The following CASP5 variants were observed in gnomAD, a reference collection of about 807,000 sequenced individuals.
CASP5 encodes the protein caspase-5.
Under a neutral mutation model 45.2 loss-of-function variants are expected in CASP5, and 42 were observed. The ratio of observed to expected loss-of-function variants is 0.93; its 90% CI spans 0.73 to 1.20. The LOEUF (loss-of-function observed/expected upper bound fraction) is 1.20. Ranked by LOEUF, CASP5 falls within the 50% of genes most tolerant of loss-of-function variation. The pLI, the probability that CASP5 is intolerant of heterozygous loss-of-function variation, is 0.00. For synonymous variants in CASP5, 209 were observed against 186.2 expected (o/e 1.12, Z -1.00); for missense variants, 512 against 532.2 (o/e 0.96, Z 0.37).
At chr11:105,004,743 G>A (rs1220679068) in intron 3 of CASP5, among the ~76,000 whole-genome samples, 1 of 152,090 alleles carries the variant, frequency 6.6e-6, no homozygotes, top group Non-Finnish European at 1.5e-5. Context: ...AATGCAATAA[G>A]TTCTAAGTGT....
chr11:105,013,922 C>T (rs1862468564), intron 1 of CASP5, among the ~76,000 whole-genome samples: 1 of 152,152 alleles, frequency 6.6e-6, no homozygotes, highest in East Asian at 1.9e-4. Flanking sequence ...ATTCACACTG[C>T]ATTGATTTTA....
chr11:105,012,287 A>G (rs943977502), intron 1 of CASP5, among the ~76,000 whole-genome samples: 2 of 152,006 alleles, frequency 1.3e-5, no homozygotes, highest in Admixed American at 6.6e-5. Context: ...TCAACTCAAA[A>G]TGGATTAAAA....
rs1296441751 is a variant in CASP5 at position 104,997,468 on chromosome 11, G to A, written c.1121C>T (p.Thr374Ile). Residue 374 changes from threonine (T) to isoleucine (I), a missense_variant, in exon 8 of 10, where the codon ACA becomes ATA. Transcript: ENST00000260315. ...TTCCGTAATGAAGATGGAGCCCCTTGTGCGGTCTCTCCAGGACACGTTATC... is the reference window on the plus strand; with the variant it reads ...TTCCGTAATGAAGATGGAGCCCCTTATGCGGTCTCTCCAGGACACGTTATC... ...TPHNVSWRDR[T>I]RGSIFITELI... 2 of 1,612,480 alleles carry A rather than the reference G, an allele frequency of 1.2e-6. No homozygotes were observed. Among genetic ancestry groups the A allele is most frequent in the East Asian group, 2.2e-5 (1 of 44,850 alleles).
intron 6 of CASP5, 55 bp from the exon 7 acceptor site, chr11:104,999,083 A>T: frequency 2.0e-6 from 3 of 1,482,208 alleles, no homozygotes; most frequent in Non-Finnish European, 2.8e-6. Flanking sequence ...TCCAGAATAG[A>T]AATGCAGAAC....
intron 2 of CASP5, among the ~76,000 whole-genome samples, chr11:105,007,765 C>T (rs1050608737): frequency 6.6e-6 from 1 of 151,972 alleles, no homozygotes; most frequent in Non-Finnish European, 1.5e-5. Context: ...ATTTAGTTTC[C>T]TTGGGGAAAG....
At chr11:105,017,763 A>G (rs376162842) in intron 1 of CASP5, among the ~76,000 whole-genome samples, 2 of 151,160 alleles carry the variant, frequency 1.3e-5, no homozygotes, top group South Asian at 4.2e-4. Flanking sequence ...CTTCCCCAAT[A>G]TAGCAAGGCA....
intron 2 of CASP5, 114 bp downstream of exon 2, chr11:105,008,693 G>T: frequency 1.4e-6 from 1 of 738,156 alleles, no homozygotes; most frequent in Non-Finnish European, 2.2e-6. Context: ...TGGTGAAAAT[G>T]ATAGTTTCAT....
At chr11:105,005,537 C>A (rs1861961788) in intron 3 of CASP5, among the ~76,000 whole-genome samples, 1 of 152,118 alleles carries the variant, frequency 6.6e-6, no homozygotes, top group Non-Finnish European at 1.5e-5. Flanking sequence ...TAGCCCAGCC[C>A]ACCCAGCTTC....
chr11:105,007,490 G>C (rs949876598), intron 2 of CASP5, among the ~76,000 whole-genome samples, 156 bp from the exon 3 acceptor site: 5 of 152,022 alleles, frequency 3.3e-5, no homozygotes, highest in Admixed American at 6.6e-5. Flanking sequence ...TGCAACTGCA[G>C]AATTCTCTCA....
chr11:105,015,045 T>C (rs1453894340), intron 1 of CASP5, among the ~76,000 whole-genome samples: 1 of 152,196 alleles, frequency 6.6e-6, no homozygotes. Context: ...GAAGCTGGGC[T>C]AGCTGGGCTT....
intron 7 of CASP5, among the ~76,000 whole-genome samples, chr11:104,997,990 A>T (rs544850161): frequency 2.8e-4 from 43 of 152,358 alleles, no homozygotes; most frequent in African/African-American, 1.0e-3. Context: ...ATTAAAATAT[A>T]GAAAAATACT....
intron 4 of CASP5, 29 bp from the exon 5 acceptor site, chr11:105,002,230 G>C (rs1861775026): frequency 6.2e-7 from 1 of 1,608,622 alleles, no homozygotes. Flanking sequence ...AAGCAACTTT[G>C]ATTACCCGAG....
At chr11:104,998,568 T>TA (rs1475138160) in intron 7 of CASP5, among the ~76,000 whole-genome samples, 1 of 152,152 alleles carries the variant, frequency 6.6e-6, no homozygotes, top group Non-Finnish European at 1.5e-5. Flanking sequence ...ATGGATTTAT[T>TA]AAAAAAACAG....
chr11:105,020,401 G>C (rs1166478943), intron 1 of CASP5, among the ~76,000 whole-genome samples: 2 of 150,998 alleles, frequency 1.3e-5, no homozygotes, highest in Non-Finnish European at 3.0e-5. Flanking sequence ...TGTATATCTA[G>C]AAAACCCCAT....
intron 1 of CASP5, among the ~76,000 whole-genome samples, chr11:105,019,000 C>G (rs1175370628): frequency 6.7e-6 from 1 of 148,658 alleles, no homozygotes; most frequent in Non-Finnish European, 1.5e-5. Flanking sequence ...GATTAAGAAT[C>G]TCACTCAAAA....
At chr11:104,997,729 C>T (rs1256510832) in intron 7 of CASP5, among the ~76,000 whole-genome samples, 1 of 152,122 alleles carries the variant, frequency 6.6e-6, no homozygotes, top group East Asian at 1.9e-4. Flanking sequence ...ATTCTTGGAA[C>T]TAACTTTTTA....
At chr11:105,001,101 C>T (rs149959777) in intron 5 of CASP5, among the ~76,000 whole-genome samples, 71 of 152,326 alleles carry the variant, frequency 4.7e-4, no homozygotes, top group Non-Finnish European at 8.2e-4. Context: ...CCCACAGAGG[C>T]TTTTCTGGAC....
chr11:105,007,366 G>T, intron 2 of CASP5, 32 bp from the exon 3 acceptor site: 1 of 1,571,450 alleles, frequency 6.4e-7, no homozygotes, highest in Non-Finnish European at 8.6e-7. Context: ...CTTTAACTAT[G>T]GGCACAGCTT....
At chr11:105,010,526 A>G (rs1386095491) in intron 1 of CASP5, among the ~76,000 whole-genome samples, 1 of 150,576 alleles carries the variant, frequency 6.6e-6, no homozygotes, top group African/African-American at 2.4e-5. Context: ...TTATTATTAT[A>G]TCATATCAGT....
Sources: allele counts gnomAD v4.1 joint callset (sites outside exome capture counted in the v4.1 genomes callset), GRCh38; gene constraint gnomAD v4.1.1; transcripts MANE v1.5; gene names NCBI Gene and HGNC (gene_info 2026-07-23, HGNC 2026-07-21).